ITM2B: variants seen among roughly 807,000 people sequenced by gnomAD.
ITM2B encodes the protein integral membrane protein 2B.
A neutral mutation model predicts 27.8 loss-of-function variants in ITM2B; 11 were observed. The ratio of observed to expected loss-of-function variants is 0.40; its 90% confidence interval spans 0.25 to 0.66. ITM2B has a LOEUF of 0.66. Among genes scored for constraint, ITM2B ranks in the 30% least tolerant of loss-of-function variants. The pLI, the probability that ITM2B is intolerant of heterozygous loss-of-function variation, is 0.43. For missense variants in ITM2B, 296 were observed against 328.9 expected (o/e 0.90, Z 0.77); for synonymous variants, 114 against 114.3 (o/e 1.00, Z 0.02).
chr13:48,255,258 C>CGT (rs1951779498), intron 2 of ITM2B, among the ~76,000 whole-genome samples: 3 of 147,930 alleles, frequency 2.0e-5, no homozygotes, highest in African/African-American at 5.1e-5. Flanking sequence ...TGTGTGTGCG[C>CGT]GCGCGTGTGC....
intron 1 of ITM2B, 56 bp from the exon 2 acceptor site, chr13:48,253,752 G>T: frequency 6.5e-7 from 1 of 1,547,356 alleles, no homozygotes. Flanking sequence ...CTAGTCCTGA[G>T]CCTTCTGTTA....
At chr13:48,236,515 G>C (rs1002521865) in intron 1 of ITM2B, among the ~76,000 whole-genome samples, 13 of 152,104 alleles carry the variant, frequency 8.5e-5, no homozygotes, top group African/African-American at 2.9e-4. Context: ...GAAGATGCTA[G>C]GATTACATAA....
chr13:48,245,307 C>T (rs1232363564), intron 1 of ITM2B, among the ~76,000 whole-genome samples: 3 of 148,352 alleles, frequency 2.0e-5, no homozygotes. Flanking sequence ...GCCTGGGTGA[C>T]AGTGAGACTC....
At position 48,256,252 on chromosome 13, in the gene ITM2B, C is replaced by G. The variant is rs1951788148; in HGVS notation, c.322C>G (p.Pro108Ala). 1.9e-6 allele frequency: 3 copies of G among 1,612,602 alleles called. No individual in the cohort carries two copies. The highest frequency in any genetic ancestry group is 2.5e-6 in the Non-Finnish European group (3 of 1,178,796). ...VILNEPSADA[P>A]AALYQTIEEN... ...CTTAAATGAGCCCTCTGCAGATGCC[C>G]CAGCTGCTCTCTACCAGACAATTGA... is the stretch of plus-strand genomic sequence containing the variant. Residue 108 changes from proline (P) to alanine (A), a missense_variant, in exon 3 of 6, where the codon CCA becomes GCA. Transcript: ENST00000647800.
intron 3 of ITM2B, 60 bp from the exon 4 acceptor site, chr13:48,258,066 C>A: frequency 1.2e-6 from 1 of 810,984 alleles, no homozygotes; most frequent in South Asian, 1.3e-5. Context: ...TCTTAAAAAT[C>A]CAGTTGCTGC....
At chr13:48,255,861 C>G (rs1419681488) in intron 2 of ITM2B, among the ~76,000 whole-genome samples, 1 of 152,062 alleles carries the variant, frequency 6.6e-6, no homozygotes, top group Non-Finnish European at 1.5e-5. Flanking sequence ...AAACTGCTTA[C>G]AGGTAGAGTA....
rs983245766 is a variant in ITM2B, at chr13:48,256,166, ACT to A, written c.247-6_247-5del. On this transcript the variant is annotated splice_polypyrimidine_tract_variant and intron_variant, in intron 2 of 5. Coordinates refer to ENST00000647800, the MANE Select transcript of ITM2B (RefSeq NM_021999.5). ...CTGAATTGCTGAAATGAGTCTTTAAACTCTCTATAGCCAGATGACGTGTACTA... is the reference window on the plus strand; with the variant it reads ...CTGAATTGCTGAAATGAGTCTTTAAACTCTATAGCCAGATGACGTGTACTA... 5.0e-6 allele frequency: 8 copies of A among 1,599,934 alleles called. No individual in the cohort carries two copies. Among genetic ancestry groups the A allele is most frequent in the Admixed American group, 3.3e-5 (2 of 59,972 alleles).
intron 5 of ITM2B, among the ~76,000 whole-genome samples, chr13:48,260,011 C>T (rs1244961664): frequency 6.6e-6 from 1 of 152,056 alleles, no homozygotes; most frequent in African/African-American, 2.4e-5. Flanking sequence ...CCCCCACCTC[C>T]CGACAGGCCC....
chr13:48,236,601 C>CTT (rs1951670102), intron 1 of ITM2B, among the ~76,000 whole-genome samples: 1 of 152,166 alleles, frequency 6.6e-6, no homozygotes, highest in Non-Finnish European at 1.5e-5. Context: ...AGACTATTCC[C>CTT]TTTCTTCCTT....
chr13:48,263,999 C>T lies in ITM2B; in HGVS notation c.*2775C>T, dbSNP rs745869945. The T allele has an allele frequency of 6.6e-6, 1 of 151,908 alleles. No homozygotes were observed. Among genetic ancestry groups the T allele is most frequent in the Non-Finnish European group, 1.5e-5 (1 of 67,990 alleles). The allele number at this position is 151,908 out of a possible 1,614,324, so 9.4% of individuals were successfully genotyped here. The stretch of plus-strand genomic sequence containing the variant: ...TATCTAAGATAGCTCTAGTTTGCTG[C>T]TTTGCAACACATTCTGCCCCTATTG... On this transcript the variant is annotated 3_prime_UTR_variant, in exon 6 of 6. Transcript: ENST00000647800.
Position 48,233,882 on chromosome 13 carries a change from ACAT to A in ITM2B, c.117+409_117+411del, listed in dbSNP as rs1951651828. On this transcript the variant is annotated intron_variant, in intron 1 of 5. Transcript: ENST00000647800. ...ATAAATAATGTACCTAAAATGGCTG[ACAT>A]CATTACAAGCCTAAACCTCTGTTGT... Among the ~76,000 whole-genome samples, 3 of 152,184 alleles carry A rather than the reference ACAT, an allele frequency of 2.0e-5. No homozygotes were observed. The South Asian group carries it at 6.2e-4, about 32-fold the overall frequency.
At chr13:48,234,051 C>T (rs1247955158) in intron 1 of ITM2B, among the ~76,000 whole-genome samples, 2 of 152,042 alleles carry the variant, frequency 1.3e-5, no homozygotes, top group South Asian at 4.1e-4. Context: ...GGAGAGGGGA[C>T]GAAGGGACAG....
chr13:48,258,222 C>G lies in ITM2B; in HGVS notation c.550C>G (p.Leu184Val). The change falls in exon 4 of 6, where the codon CTT becomes GTT. Residue 184 changes from leucine to valine, a missense_variant. By Grantham distance (32) the Leu-to-Val change is conservative. Transcript: ENST00000647800. ...VMPPRNLLEL[L>V]INIKAGTYLP... ...GCCACCCAGAAACCTACTGGAGTTA[C>G]TTATTAACATCAAGGTATAAGAATG... 1.3e-6 allele frequency: 2 copies of G among 1,502,068 alleles called. No individual in the cohort carries two copies. Among genetic ancestry groups the G allele is most frequent in the Non-Finnish European group, 1.9e-6 (2 of 1,078,096 alleles). 93.0% of individuals were successfully genotyped at this position (1,502,068 alleles called of 1,614,324 possible). A position where few individuals can be genotyped will look rare whatever the true frequency, so the allele number is the denominator to read the frequency against.
chr13:48,237,804 T>C (rs1951677236), intron 1 of ITM2B, among the ~76,000 whole-genome samples: 1 of 152,180 alleles, frequency 6.6e-6, no homozygotes, highest in Non-Finnish European at 1.5e-5. Context: ...AAACCCACAT[T>C]CTTTTTCCAA....
intron 1 of ITM2B, among the ~76,000 whole-genome samples, chr13:48,249,366 A>G (rs943835502): frequency 2.0e-5 from 3 of 152,160 alleles, no homozygotes; most frequent in East Asian, 3.9e-4. Flanking sequence ...ATATACCACA[A>G]TTTATTCATC....
Position 48,233,226 on chromosome 13 carries a change from C to T in ITM2B, c.-135C>T. 1.9e-6 allele frequency: 1 copy of T among 532,684 alleles called. No homozygotes were observed. The highest frequency in any genetic ancestry group is 3.2e-6 in the Non-Finnish European group (1 of 308,720). 33.0% of individuals were successfully genotyped at this position (532,684 alleles called of 1,614,324 possible). ...ACCGCAGTAGCCGCCTCTGCCGCCG[C>T]GGAGCTTCCCGAACCTCTTCAGCCG... On this transcript the variant is annotated 5_prime_UTR_variant, in exon 1 of 6. Coordinates refer to ENST00000647800, the MANE Select transcript of ITM2B (RefSeq NM_021999.5).
intron 1 of ITM2B, among the ~76,000 whole-genome samples, chr13:48,252,139 C>A (rs987369998): frequency 2.6e-5 from 4 of 152,184 alleles, no homozygotes; most frequent in Non-Finnish European, 5.9e-5. Context: ...AAATCTCAAC[C>A]TAGGAACACA....
In ITM2B at chr13:48,258,858, T is replaced by C. The variant is rs1951805620; in HGVS notation, c.626T>C (p.Ile209Thr). 4 of 1,613,352 alleles carry C rather than the reference T, an allele frequency of 2.5e-6. No individual in the cohort carries two copies. The highest frequency in any genetic ancestry group is 3.4e-6 in the Non-Finnish European group (4 of 1,179,276). The change falls in exon 5 of 6, where the codon ATT becomes ACT. Residue 209 changes from isoleucine to threonine, a missense_variant. Coordinates refer to ENST00000647800, the MANE Select transcript of ITM2B (RefSeq NM_021999.5). ...GAGCACATGGTTATTACTGATCGCA[T>C]TGAAAACATTGATCACCTGGGTTTC... ...IHEHMVITDR[I>T]ENIDHLGFFI...
intron 1 of ITM2B, among the ~76,000 whole-genome samples, chr13:48,237,022 T>C (rs954807710): frequency 2.0e-5 from 3 of 152,214 alleles, no homozygotes; most frequent in African/African-American, 7.2e-5. Context: ...AATGGCTGTT[T>C]AGACCCTGGT....
Sources: gnomAD v4.1 joint callset for allele counts (sites outside exome capture counted in the v4.1 genomes callset) on GRCh38, gnomAD v4.1.1 for gene constraint, MANE v1.5 for transcripts, NCBI Gene and HGNC (gene_info 2026-07-23, HGNC 2026-07-21) for gene names.